UPP2: variants seen among roughly 807,000 people sequenced by gnomAD.
UPP2 encodes uridine phosphorylase 2, also known as UPase 2.
UPP2 carries 23 observed loss-of-function variants against 26.7 expected under a neutral mutation model. That is an observed-to-expected ratio of 0.86 (90% CI 0.62 to 1.22). UPP2 has a LOEUF of 1.22. Ranked by LOEUF, UPP2 falls within the 50% of genes most tolerant of loss-of-function variation. The pLI is 0.00. For synonymous variants in UPP2, 127 were observed against 141.3 expected, an observed-to-expected ratio of 0.90 and a Z score of 0.72; for missense variants, 387 against 396.7, an observed-to-expected ratio of 0.98 and a Z score of 0.21.
chr2:158,077,779 G>C (rs2105192168), intron 3 of UPP2, among the ~76,000 whole-genome samples: 1 of 152,116 alleles, frequency 6.6e-6, no homozygotes, highest in East Asian at 1.9e-4. Flanking sequence ...GGACAAATGG[G>C]ATCACATCAA....
intron 2 of UPP2, among the ~76,000 whole-genome samples, chr2:158,004,513 G>T (rs1683459486): frequency 6.6e-6 from 1 of 152,158 alleles, no homozygotes; most frequent in Admixed American, 6.5e-5. Context: ...AAACTTCATT[G>T]CTTCAGTCTG....
rs372680174 is a variant in UPP2, at chr2:158,111,867, A to G, written c.181-3234A>G. Among the ~76,000 whole-genome samples the G allele has an allele frequency of 1.0e-3, 158 of 152,270 alleles. 4 individuals are homozygous for G. In the South Asian group the frequency reaches 0.024, roughly 23 times the overall value. ...GTACGACTTGAAGTGGGACATATAG[A>G]CCTTACAGGAATATACAGGAATCAA... On this transcript the variant is annotated intron_variant, in intron 2 of 6. Coordinates refer to ENST00000005756, the MANE Select transcript of UPP2 (RefSeq NM_173355.4).
At chr2:158,125,078 G>A (rs1286882945) in intron 6 of UPP2, among the ~76,000 whole-genome samples, 1 of 152,170 alleles carries the variant, frequency 6.6e-6, no homozygotes, top group Non-Finnish European at 1.5e-5. Context: ...GACCAAGGAG[G>A]AGTGGCCCAT....
At chr2:158,047,208 C>T (rs1684168190) in intron 3 of UPP2, among the ~76,000 whole-genome samples, 1 of 152,160 alleles carries the variant, frequency 6.6e-6, no homozygotes, top group African/African-American at 2.4e-5. Context: ...ACCTCATAAA[C>T]ATCTTTATCA....
intron 3 of UPP2, among the ~76,000 whole-genome samples, chr2:158,060,311 G>A (rs112601840): frequency 0.025 from 3,793 of 152,234 alleles, 159 homozygotes; most frequent in African/African-American, 0.087. Context: ...TAGTAATAAA[G>A]GCTGTCATTT....
intron 3 of UPP2, among the ~76,000 whole-genome samples, chr2:158,076,868 A>G (rs1256226941): frequency 6.6e-6 from 1 of 152,122 alleles, no homozygotes; most frequent in Non-Finnish European, 1.5e-5. Flanking sequence ...TTGAAAAGAA[A>G]GAAGTAAAAT....
At chr2:158,006,736 T>C (rs541106548) in intron 2 of UPP2, among the ~76,000 whole-genome samples, 2 of 152,332 alleles carry the variant, frequency 1.3e-5, no homozygotes, top group Admixed American at 6.5e-5. Flanking sequence ...TTCCTAGGCA[T>C]ACTCGAGGAA....
chr2:158,102,843 T>C (rs1431215519), intron 1 of UPP2, among the ~76,000 whole-genome samples: 1 of 152,176 alleles, frequency 6.6e-6, no homozygotes, highest in Non-Finnish European at 1.5e-5. Context: ...GCCTCCTGCA[T>C]GTTCCCTTCT....
chr2:158,123,378 C>T (rs749589364), intron 5 of UPP2, among the ~76,000 whole-genome samples: 2 of 151,978 alleles, frequency 1.3e-5, no homozygotes, highest in Non-Finnish European at 2.9e-5. Flanking sequence ...CAGCACCCAT[C>T]CCTGGGCCAT....
intron 3 of UPP2, among the ~76,000 whole-genome samples, chr2:158,027,893 G>A (rs1312985505): frequency 6.6e-6 from 1 of 152,178 alleles, no homozygotes; most frequent in Non-Finnish European, 1.5e-5. Context: ...CTAAAGTCAT[G>A]GCCTGAGCTC....
At chr2:158,129,393 C>A in intron 6 of UPP2, among the ~76,000 whole-genome samples, 1 of 152,168 alleles carries the variant, frequency 6.6e-6, no homozygotes, top group Non-Finnish European at 1.5e-5. Flanking sequence ...GGTTTTTGAA[C>A]GAACCAAATC....
chr2:158,016,660 C>G lies in UPP2; in HGVS notation c.147+774C>G, dbSNP rs569366109. On this transcript the variant is annotated intron_variant, in intron 3 of 9. Transcript: ENST00000605860. Reference sequence around the variant, plus strand: ...AGCCCTGGGTCTAGGTTTTGATCACCCTAGACCATCCCGTCTTCCTCTGGA... The same window carrying G: ...AGCCCTGGGTCTAGGTTTTGATCACGCTAGACCATCCCGTCTTCCTCTGGA... Among the ~76,000 whole-genome samples, 3 of 152,094 alleles carry G rather than the reference C, an allele frequency of 2.0e-5. No homozygotes were observed. In the South Asian group the frequency reaches 6.2e-4, roughly 32 times the overall value.
At chr2:158,033,207 T>C (rs1683950862) in intron 3 of UPP2, among the ~76,000 whole-genome samples, 1 of 152,154 alleles carries the variant, frequency 6.6e-6, no homozygotes, top group African/African-American at 2.4e-5. Flanking sequence ...GTTTCTTTCT[T>C]GAAATAAAGG....
chr2:158,003,713 A>AT (rs1358673871), intron 2 of UPP2, among the ~76,000 whole-genome samples: 3 of 113,392 alleles, frequency 2.6e-5, no homozygotes, highest in Non-Finnish European at 5.4e-5. Context: ...TTCTCAAAAA[A>AT]TAAAAAAAAA....
At chr2:158,105,008 AG>A (rs1289659481) in intron 1 of UPP2, among the ~76,000 whole-genome samples, 1 of 4,682 alleles carries the variant, frequency 2.1e-4, no homozygotes, top group South Asian at 0.019. Context: ...AGGGGAGGGG[AG>A]GGGAGGGGAG....
At chr2:158,105,996 C>A in intron 1 of UPP2, 103 bp from the exon 2 acceptor site, 1 of 857,572 alleles carries the variant, frequency 1.2e-6, no homozygotes, top group Non-Finnish European at 1.8e-6. Flanking sequence ...TGCTTCTCAA[C>A]AAATAATTTA....
At chr2:158,061,044 T>G (rs1682344439) in intron 3 of UPP2, among the ~76,000 whole-genome samples, 1 of 152,348 alleles carries the variant, frequency 6.6e-6, no homozygotes, top group South Asian at 2.1e-4. Context: ...TGGTAGAAAC[T>G]TAGCTAATTC....
upstream of UPP2, among the ~76,000 whole-genome samples, chr2:158,098,176 C>T (rs1165045760): frequency 6.6e-6 from 1 of 152,112 alleles, no homozygotes; most frequent in Non-Finnish European, 1.5e-5. Context: ...CAAAGAGGGT[C>T]TCCTCTTTTA....
chr2:158,100,405 G>A (rs1194914812), upstream of UPP2, among the ~76,000 whole-genome samples: 1 of 152,160 alleles, frequency 6.6e-6, no homozygotes, highest in African/African-American at 2.4e-5. Context: ...TATCTAATTA[G>A]CTAACATTTT....
Sources: gnomAD v4.1 joint callset for allele counts (sites outside exome capture counted in the v4.1 genomes callset) on GRCh38, gnomAD v4.1.1 for gene constraint, MANE v1.5 for transcripts, NCBI Gene and HGNC (gene_info 2026-07-23, HGNC 2026-07-21) for gene names.